CDH13: variants seen among roughly 807,000 people sequenced by gnomAD.
CDH13 encodes the protein cadherin 13.
Under a neutral mutation model 63.8 loss-of-function variants are expected in CDH13, and 24 were observed. The observed-to-expected ratio is 0.38, with a 90% CI of 0.27 to 0.53. The LOEUF (loss-of-function observed/expected upper bound fraction) is 0.53, where lower values mean the gene tolerates loss of function less well. CDH13 is among the 20% of genes least tolerant of loss of function. The probability of loss-of-function intolerance (pLI) is 0.85; values close to 1 mark genes in which losing one functional copy is unlikely to be tolerated. For synonymous variants in CDH13, 503 were observed against 355.3 expected (o/e 1.42, Z -4.67); for missense variants, 1,049 against 903.1 (o/e 1.16, Z -2.07).
intron 10 of CDH13, chr16:83,710,488 C>G (rs572500962): frequency 1.3e-5 from 2 of 152,106 alleles, no homozygotes; most frequent in East Asian, 3.9e-4. Context: ...CTGCATTCCT[C>G]TTGGTGCCTC....
chr16:82,746,893 G>T (rs1026048614), intron 1 of CDH13, among the ~76,000 whole-genome samples: 8 of 152,128 alleles, frequency 5.3e-5, no homozygotes, highest in Non-Finnish European at 2.9e-5. Context: ...TAAAACAATT[G>T]TTAAGGACCT....
At chr16:83,663,116 A>G (rs987595852) in intron 8 of CDH13, among the ~76,000 whole-genome samples, 13 of 152,178 alleles carry the variant, frequency 8.5e-5, no homozygotes, top group Admixed American at 6.5e-4. Context: ...TCTTAGTTCA[A>G]ATTTATCAAA....
At chr16:83,627,978 G>A (rs557030098) in intron 8 of CDH13, among the ~76,000 whole-genome samples, 54 of 152,268 alleles carry the variant, frequency 3.5e-4, no homozygotes, top group South Asian at 3.3e-3. Flanking sequence ...ACTTCCTGAC[G>A]TTACCATGGC....
intron 1 of CDH13, among the ~76,000 whole-genome samples, chr16:82,634,558 GGTTTTATAA>G (rs1361805636): frequency 6.6e-6 from 1 of 152,140 alleles, no homozygotes; most frequent in Admixed American, 6.5e-5. Context: ...CCTGCAGTCT[GGTTTTATAA>G]ATAGTTTTAT....
chr16:83,480,506 G>A (rs1017511517), intron 6 of CDH13, among the ~76,000 whole-genome samples: 6 of 152,130 alleles, frequency 3.9e-5, no homozygotes, highest in Non-Finnish European at 8.8e-5. Flanking sequence ...CCACCTGCTT[G>A]GTCAGGAAAC....
chr16:83,765,990 C>T (rs1321703056), intron 11 of CDH13, among the ~76,000 whole-genome samples: 2 of 152,150 alleles, frequency 1.3e-5, no homozygotes, highest in African/African-American at 2.4e-5. Context: ...ATAGATTGTA[C>T]CGCTCTTGTG....
chr16:82,917,310 G>C (rs2042020811), intron 2 of CDH13, among the ~76,000 whole-genome samples: 1 of 152,178 alleles, frequency 6.6e-6, no homozygotes, highest in East Asian at 1.9e-4. Flanking sequence ...GTTACGTCAG[G>C]AAGGTGCCCT....
chr16:83,020,933 T>C (rs983836742), intron 2 of CDH13, among the ~76,000 whole-genome samples: 42 of 152,342 alleles, frequency 2.8e-4, no homozygotes, highest in African/African-American at 9.6e-4. Context: ...ACCCTGAAAG[T>C]TGCAGTGGAG....
chr16:83,564,802 G>A (rs77627440), intron 7 of CDH13, among the ~76,000 whole-genome samples: 1 of 152,208 alleles, frequency 6.6e-6, no homozygotes, highest in African/African-American at 2.4e-5. Flanking sequence ...AGAGAGAAGA[G>A]TATGGAGGTT....
At chr16:82,960,972 C>G (rs1213868617) in intron 2 of CDH13, among the ~76,000 whole-genome samples, 1 of 152,108 alleles carries the variant, frequency 6.6e-6, no homozygotes, top group Non-Finnish European at 1.5e-5. Flanking sequence ...TTTTTCATTG[C>G]TGGAATGTTC....
intron 1 of CDH13, among the ~76,000 whole-genome samples, chr16:82,848,556 T>C (rs1369851993): frequency 2.0e-5 from 3 of 147,430 alleles, no homozygotes; most frequent in Non-Finnish European, 4.4e-5. Context: ...TGACCTTTGA[T>C]GTTACTATTG....
At chr16:83,482,950 C>G (rs1278685641) in intron 6 of CDH13, among the ~76,000 whole-genome samples, 1 of 152,182 alleles carries the variant, frequency 6.6e-6, no homozygotes. Flanking sequence ...TGGCTCAGAA[C>G]CCAGGACAGA....
At chr16:83,124,309 G>C (rs1261002504) in intron 3 of CDH13, among the ~76,000 whole-genome samples, 1 of 152,186 alleles carries the variant, frequency 6.6e-6, no homozygotes, top group Non-Finnish European at 1.5e-5. Flanking sequence ...GCCTCCCAAA[G>C]TGCTGGGATT....
intron 5 of CDH13, among the ~76,000 whole-genome samples, chr16:83,303,838 C>T (rs142880447): frequency 6.6e-6 from 1 of 152,152 alleles, no homozygotes; most frequent in Non-Finnish European, 1.5e-5. Context: ...TTAAACTACA[C>T]CTTGGCAAGG....
chr16:82,832,427 TTCC>T (rs1050486485), intron 1 of CDH13, among the ~76,000 whole-genome samples: 28 of 152,162 alleles, frequency 1.8e-4, no homozygotes, highest in African/African-American at 6.5e-4. Flanking sequence ...TCATCTCTTC[TTCC>T]TCCTCCTCCT....
At chr16:83,448,148 T>A (rs974773601) in intron 6 of CDH13, among the ~76,000 whole-genome samples, 14 of 152,174 alleles carry the variant, frequency 9.2e-5, no homozygotes, top group African/African-American at 3.1e-4. Flanking sequence ...TAGGTGATAG[T>A]GGAGCTGAGT....
chr16:82,909,733 G>A (rs1009407338), intron 2 of CDH13, among the ~76,000 whole-genome samples: 6 of 152,062 alleles, frequency 3.9e-5, no homozygotes, highest in Admixed American at 1.3e-4. Flanking sequence ...CTCCCACCGG[G>A]TTCCTCCCAC....
At chr16:83,494,136 A>G (rs2074081634) in intron 7 of CDH13, among the ~76,000 whole-genome samples, 1 of 152,172 alleles carries the variant, frequency 6.6e-6, no homozygotes, top group Admixed American at 6.5e-5. Flanking sequence ...TCTCTAAGAT[A>G]TTTCTTTTCT....
chr16:83,445,817 G>T (rs1437954711), intron 6 of CDH13, among the ~76,000 whole-genome samples: 1 of 152,132 alleles, frequency 6.6e-6, no homozygotes, highest in Non-Finnish European at 1.5e-5. Context: ...ATAACTCGGA[G>T]TTCCCAGTCT....
Sources: gnomAD v4.1 joint callset for allele counts (sites outside exome capture counted in the v4.1 genomes callset) on GRCh38, gnomAD v4.1.1 for gene constraint, MANE v1.5 for transcripts, NCBI Gene and HGNC (gene_info 2026-07-23, HGNC 2026-07-21) for gene names.